Variants in ABCC6 observed in about 807,000 individuals in gnomAD.
The protein encoded by ABCC6 is ATP-binding cassette sub-family C member 6.
A neutral mutation model predicts 169.5 loss-of-function variants in ABCC6; 126 were observed. The observed-to-expected ratio is 0.74, with a 90% CI of 0.64 to 0.86. ABCC6 has a LOEUF of 0.86. Among genes scored for constraint, ABCC6 ranks in the 40% least tolerant of loss-of-function variants. The pLI is 0.00. For missense variants in ABCC6, 1,733 were observed against 1,927.2 expected, an observed-to-expected ratio of 0.90 and a Z score of 1.89; for synonymous variants, 752 against 814.7, an observed-to-expected ratio of 0.92 and a Z score of 1.31.
intron 11 of ABCC6, among the ~76,000 whole-genome samples, chr16:16,192,382 A>T (rs912193332): frequency 6.6e-6 from 1 of 151,922 alleles, no homozygotes; most frequent in Non-Finnish European, 1.5e-5. Context: ...TGAGTAGAGG[A>T]GGGGTACAAC....
chr16:16,158,317 A>G (rs2046613674), intron 26 of ABCC6, among the ~76,000 whole-genome samples: 1 of 152,148 alleles, frequency 6.6e-6, no homozygotes, highest in African/African-American at 2.4e-5. Context: ...CAACGCTGTT[A>G]TGTTACTGTT....
At chr16:16,187,907 T>A (rs1400328738) in intron 13 of ABCC6, among the ~76,000 whole-genome samples, 1,888 of 86,272 alleles carry the variant, frequency 0.022, 20 homozygotes, top group Non-Finnish European at 0.03. Flanking sequence ...AATAAATAAA[T>A]TAAATAAATA....
At position 16,162,918 on chromosome 16, in the gene ABCC6, A is replaced by G. The variant is rs1336119754; in HGVS notation, c.3506+75T>C. 6.9e-6 allele frequency: 11 copies of G among 1,592,800 alleles called. No homozygotes were observed. The East Asian group carries it at 2.2e-4, about 32-fold the overall frequency. On this transcript the variant is annotated intron_variant, in intron 24 of 30. Transcript: ENST00000205557. ...ACTCTCTGGGTGACCTCTCTACCAT[A>G]CAATATGACCTCAGGTCTCACCCTC...
chr16:16,150,243 T>G lies in ABCC6; in HGVS notation c.4404-2A>C, dbSNP rs1368211583. On this transcript the variant is annotated splice_acceptor_variant, in intron 30 of 30. Transcript: ENST00000205557. LOFTEE classifies it high-confidence loss of function. ...TGCCCCTTGTCCATGACCAGAACCCTGTGGGGGAGAGGGAGACAGAGAGGC... is the reference window on the plus strand; with the variant it reads ...TGCCCCTTGTCCATGACCAGAACCCGGTGGGGGAGAGGGAGACAGAGAGGC... 3 of 1,613,804 alleles carry G rather than the reference T, an allele frequency of 1.9e-6. No homozygotes were observed. In the Admixed American group the frequency reaches 5.0e-5, roughly 27 times the overall value.
At chr16:16,195,161 T>G (rs1191822903) in intron 10 of ABCC6, among the ~76,000 whole-genome samples, 2 of 152,072 alleles carry the variant, frequency 1.3e-5, no homozygotes, top group Non-Finnish European at 2.9e-5. Flanking sequence ...ATGGTATCAT[T>G]AAACTGTAGC....
chr16:16,165,984 G>A lies in ABCC6; in HGVS notation c.2996-51C>T, dbSNP rs377037743. 5.6e-5 allele frequency: 88 copies of A among 1,570,528 alleles called. 1 individual carries two copies. The highest frequency in any genetic ancestry group is 1.8e-4 in the Middle Eastern group (1 of 5,466). On this transcript the variant is annotated intron_variant, in intron 22 of 30. Coordinates refer to ENST00000205557, the MANE Select transcript of ABCC6 (RefSeq NM_001171.6). Reference sequence around the variant, plus strand: ...ATGAGGGCTGGAGACCCTCAGGAGCGGCCCACGGGGCCCTGCGCAGGTCTC... The same window carrying A: ...ATGAGGGCTGGAGACCCTCAGGAGCAGCCCACGGGGCCCTGCGCAGGTCTC...
In ABCC6 at chr16:16,192,662, G is replaced by T. The variant is rs7206048; in HGVS notation, c.1431+168C>A. ...GGGACGGAGCCACTGTCCATTGAGA[G>T]GATAGGGGGAGGGGGTGCAGGTCTG... On this transcript the variant is annotated intron_variant, in intron 11 of 30. Coordinates refer to ENST00000205557, the MANE Select transcript of ABCC6 (RefSeq NM_001171.6). Among the ~76,000 whole-genome samples, 3 of 152,122 alleles carry T rather than the reference G, an allele frequency of 2.0e-5. No individual in the cohort carries two copies. The East Asian group carries it at 5.8e-4, about 30-fold the overall frequency.
At chr16:16,187,033 C>A in intron 14 of ABCC6, 91 bp downstream of exon 14, 1 of 1,155,506 alleles carries the variant, frequency 8.7e-7, no homozygotes, top group Non-Finnish European at 1.3e-6. Context: ...CCATCTCCCC[C>A]CAGTACTGAT....
At chr16:16,155,100 T>C (rs1383136812) in intron 27 of ABCC6, 69 bp from the exon 28 acceptor site, 50 of 1,510,752 alleles carry the variant, frequency 3.3e-5, no homozygotes, top group Non-Finnish European at 4.2e-5. Flanking sequence ...GGGAGATCTT[T>C]CTGCTGTACC....
At chr16:16,189,419 C>CTT (rs142245731) in intron 12 of ABCC6, among the ~76,000 whole-genome samples, 5 of 138,178 alleles carry the variant, frequency 3.6e-5, no homozygotes, top group African/African-American at 1.1e-4. Flanking sequence ...ATTTGTGGTG[C>CTT]TTTTTTTTTT....
intron 29 of ABCC6, among the ~76,000 whole-genome samples, chr16:16,153,650 C>T (rs530674184): frequency 2.0e-5 from 3 of 152,158 alleles, no homozygotes; most frequent in Admixed American, 1.3e-4. Context: ...ATGGGCCCGG[C>T]GTGGCTGCTC....
intron 14 of ABCC6, among the ~76,000 whole-genome samples, chr16:16,186,495 C>T (rs1190780790): frequency 1.3e-5 from 2 of 151,782 alleles, no homozygotes; most frequent in Non-Finnish European, 2.9e-5. Flanking sequence ...CCATCACCGC[C>T]TGAGCTCCAC....
chr16:16,190,505 G>A, intron 11 of ABCC6, 138 bp from the exon 12 acceptor site: 1 of 897,612 alleles, frequency 1.1e-6, no homozygotes, highest in Non-Finnish European at 1.8e-6. Context: ...CAGCACCTCT[G>A]ACCCTCACTC....
At position 16,163,004 on chromosome 16, in the gene ABCC6, C is replaced by G; in HGVS notation, c.3495G>C (p.Leu1165=). The change falls in exon 24 of 31, where the codon CTG becomes CTC. Residue 1165 remains leucine (L), a synonymous_variant. Coordinates refer to ENST00000205557, the MANE Select transcript of ABCC6 (RefSeq NM_001171.6). The part of the protein sequence containing the change: ...DESQRISFPR[L]VADRWLAANV... ...CTGGCTCTTCCTACCTGTCAGCCAC[C>G]AGTCGCGGGAAACTGATCCTCTGGC... 6.2e-7 allele frequency: 1 copy of G among 1,614,114 alleles called. No homozygotes were observed. Among genetic ancestry groups the G allele is most frequent in the Non-Finnish European group, 8.5e-7 (1 of 1,180,036 alleles).
chr16:16,193,422 C>T (rs942478670), intron 10 of ABCC6, among the ~76,000 whole-genome samples: 38 of 152,116 alleles, frequency 2.5e-4, no homozygotes, highest in African/African-American at 8.7e-4. Context: ...TACTAAAAAA[C>T]TTGCTTTTGG....
chr16:16,167,771 G>C (rs960852753), intron 22 of ABCC6, among the ~76,000 whole-genome samples: 1 of 152,090 alleles, frequency 6.6e-6, no homozygotes, highest in African/African-American at 2.4e-5. Context: ...ATCTGGCCTG[G>C]AGCTGAATTT....
Position 16,149,939 on chromosome 16 carries a change from G to T in ABCC6, c.*194C>A, listed in dbSNP as rs577962491. 11 of 815,972 alleles carry T rather than the reference G, an allele frequency of 1.3e-5. No homozygotes were observed. The East Asian group carries it at 3.0e-4, about 22-fold the overall frequency. The allele number at this position is 815,972 out of a possible 1,614,324, so 50.5% of individuals were successfully genotyped here. ...AGATGGGCCCTGCCCGGGCAGACCTGTGTATTGCTAGGTCCTTCCGGCTCT... is the reference window on the plus strand; with the variant it reads ...AGATGGGCCCTGCCCGGGCAGACCTTTGTATTGCTAGGTCCTTCCGGCTCT... On this transcript the variant is annotated 3_prime_UTR_variant, in exon 31 of 31. Coordinates refer to ENST00000205557, the MANE Select transcript of ABCC6 (RefSeq NM_001171.6).
At chr16:16,150,384 T>TG in intron 30 of ABCC6, 143 bp from the exon 31 acceptor site, 12 of 1,525,724 alleles carry the variant, frequency 7.9e-6, no homozygotes, top group Non-Finnish European at 1.1e-5. Flanking sequence ...ACAGCTGGGT[T>TG]GGAAGCGTGT....
chr16:16,219,267 GTA>G (rs2048994051), intron 4 of ABCC6, among the ~76,000 whole-genome samples: 1 of 150,736 alleles, frequency 6.6e-6, no homozygotes, highest in South Asian at 2.1e-4. Flanking sequence ...GTGCATGCAT[GTA>G]CTTGTGCGAT....
Sources: gnomAD v4.1 joint callset for allele counts (sites outside exome capture counted in the v4.1 genomes callset) on GRCh38, gnomAD v4.1.1 for gene constraint, MANE v1.5 for transcripts, NCBI Gene and HGNC (gene_info 2026-07-23, HGNC 2026-07-21) for gene names.